C12orf42: variants seen among roughly 807,000 people sequenced by gnomAD.
C12orf42 encodes chromosome 12 open reading frame 42.
Under a neutral mutation model 21.6 loss-of-function variants are expected in C12orf42, and 25 were observed. The ratio of observed to expected loss-of-function variants is 1.16; its 90% CI spans 0.84 to 1.62. C12orf42 has a LOEUF of 1.62. Ranked by LOEUF, C12orf42 falls within the 40% of genes most tolerant of loss-of-function variation. The pLI is 0.00. For missense variants in C12orf42, 483 were observed against 459.3 expected (o/e 1.05, Z -0.47); for synonymous variants, 174 against 175.0 (o/e 0.99, Z 0.05).
chr12:103,299,331 C>T (rs1006776475), downstream of C12orf42, among the ~76,000 whole-genome samples: 1 of 151,542 alleles, frequency 6.6e-6, no homozygotes, highest in African/African-American at 2.4e-5. Flanking sequence ...GTACAATACA[C>T]AATAAATATT....
intron 4 of C12orf42, among the ~76,000 whole-genome samples, chr12:103,310,734 A>AC (rs2038897679): frequency 6.6e-6 from 1 of 152,208 alleles, no homozygotes; most frequent in Non-Finnish European, 1.5e-5. Flanking sequence ...CTACCTCCAA[A>AC]ACGTTAGGCT....
intron 4 of C12orf42, among the ~76,000 whole-genome samples, chr12:103,355,649 G>T (rs78001234): frequency 0.03 from 4,629 of 152,112 alleles, 208 homozygotes; most frequent in African/African-American, 0.1. Context: ...GCCAGTGGTT[G>T]AGCTAGGCCT....
chr12:103,280,981 G>A (rs2036079354), intron 4 of C12orf42, among the ~76,000 whole-genome samples: 1 of 152,194 alleles, frequency 6.6e-6, no homozygotes, highest in South Asian at 2.1e-4. Flanking sequence ...CTTGCTGGAG[G>A]GTGAGAGGGA....
the C12orf42 span, among the ~76,000 whole-genome samples, chr12:103,096,476 G>A: frequency 6.6e-6 from 1 of 152,100 alleles, no homozygotes; most frequent in Non-Finnish European, 1.5e-5. Flanking sequence ...GTCCTCAAGG[G>A]TGCCATGAAA....
chr12:103,286,253 AAAAT>A (rs200130397), intron 4 of C12orf42, among the ~76,000 whole-genome samples: 21,777 of 145,868 alleles, frequency 0.15, 1,665 homozygotes, highest in Middle Eastern at 0.18. Context: ...TCCATCTCAA[AAAAT>A]AAATAAATAA....
At chr12:103,369,045 G>C in intron 3 of C12orf42, 47 bp from the exon 4 acceptor site, 1 of 1,001,944 alleles carries the variant, frequency 1.0e-6, no homozygotes, top group Admixed American at 2.3e-5. Context: ...TAGGTCAATG[G>C]CTCCAGAATA....
intron 2 of C12orf42, among the ~76,000 whole-genome samples, chr12:103,434,145 A>G (rs1950477243): frequency 6.6e-6 from 1 of 152,000 alleles, no homozygotes; most frequent in Non-Finnish European, 1.5e-5. Context: ...TGAAACTCCT[A>G]CTCTGACTCT....
chr12:103,282,118 TA>T (rs2036178284), intron 4 of C12orf42, among the ~76,000 whole-genome samples: 1 of 152,322 alleles, frequency 6.6e-6, no homozygotes, highest in South Asian at 2.1e-4. Flanking sequence ...TCAAGAGTCC[TA>T]AATGATGTAA....
At chr12:103,212,541 G>T in the C12orf42 span, among the ~76,000 whole-genome samples, 7 of 152,188 alleles carry the variant, frequency 4.6e-5, no homozygotes, top group East Asian at 5.8e-4. Flanking sequence ...TCAGATTTTG[G>T]GGGGAGGGCA....
At chr12:103,400,931 C>T (rs1470005618) in intron 3 of C12orf42, among the ~76,000 whole-genome samples, 1 of 151,944 alleles carries the variant, frequency 6.6e-6, no homozygotes, top group African/African-American at 2.4e-5. Context: ...TGATTAAAGC[C>T]CTTAGGATGT....
chr12:103,377,611 G>A (rs887846504), intron 3 of C12orf42, among the ~76,000 whole-genome samples: 5 of 152,134 alleles, frequency 3.3e-5, no homozygotes. Flanking sequence ...CCCGAGCTGG[G>A]AGTCCTTCTG....
the C12orf42 span, among the ~76,000 whole-genome samples, chr12:103,158,232 C>T: frequency 1.3e-5 from 2 of 152,126 alleles, no homozygotes; most frequent in African/African-American, 4.8e-5. Flanking sequence ...GGCTCAGAGA[C>T]TTTATTTAAT....
the C12orf42 span, among the ~76,000 whole-genome samples, chr12:103,216,645 T>G: frequency 6.6e-6 from 1 of 152,072 alleles, no homozygotes. Flanking sequence ...CCTAAAGTGC[T>G]GGGAATGGAA....
chr12:103,490,997 G>T (rs1421168497), intron 1 of C12orf42, among the ~76,000 whole-genome samples: 1 of 152,050 alleles, frequency 6.6e-6, no homozygotes, highest in African/African-American at 2.4e-5. Flanking sequence ...GCATAAAATT[G>T]TTGATTTTGT....
At chr12:103,115,601 T>G in the C12orf42 span, among the ~76,000 whole-genome samples, 1 of 152,204 alleles carries the variant, frequency 6.6e-6, no homozygotes, top group Non-Finnish European at 1.5e-5. Context: ...CGGAGTTGTT[T>G]TGAGAATTTA....
chr12:103,340,977 G>A (rs1368759973), intron 4 of C12orf42, among the ~76,000 whole-genome samples: 1 of 151,820 alleles, frequency 6.6e-6, no homozygotes, highest in Non-Finnish European at 1.5e-5. Flanking sequence ...GCCAGACATG[G>A]TGGCGAGTAC....
At chr12:103,070,666 A>G in the C12orf42 span, among the ~76,000 whole-genome samples, 2 of 152,134 alleles carry the variant, frequency 1.3e-5, no homozygotes, top group Non-Finnish European at 2.9e-5. Context: ...CAAGAGGATA[A>G]AGAAAACAGG....
At chr12:103,471,989 C>G (rs1384371118) in intron 2 of C12orf42, 1 of 149,338 alleles carries the variant, frequency 6.7e-6, no homozygotes, top group Admixed American at 6.7e-5. Context: ...CTCTTTTCTT[C>G]TTATAAACTG....
intron 2 of C12orf42, 148 bp downstream of exon 2, chr12:103,478,201 T>C (rs1459872953): frequency 3.5e-6 from 2 of 573,468 alleles, no homozygotes; most frequent in African/African-American, 2.0e-5. Flanking sequence ...TTTACAATGA[T>C]GTGAGTATGG....
Sources: gnomAD v4.1 joint callset for allele counts (sites outside exome capture counted in the v4.1 genomes callset) on GRCh38, gnomAD v4.1.1 for gene constraint, MANE v1.5 for transcripts, NCBI Gene and HGNC (gene_info 2026-07-23, HGNC 2026-07-21) for gene names.